Variants in UBE4A observed in about 807,000 individuals in gnomAD.
The protein encoded by UBE4A is ubiquitination factor E4A, also known as ubiquitin conjugation factor E4 A.
In UBE4A, 48 loss-of-function variants were observed where a neutral mutation model predicts 117.9. The observed-to-expected ratio is 0.41, with a 90% CI of 0.32 to 0.52. UBE4A has a LOEUF of 0.52. UBE4A is among the 20% of genes least tolerant of loss of function. The pLI, the probability that UBE4A is intolerant of heterozygous loss-of-function variation, is 0.33. For missense variants in UBE4A, 1,067 were observed against 1,296.3 expected, an observed-to-expected ratio of 0.82 and a Z score of 2.72; for synonymous variants, 407 against 450.0, an observed-to-expected ratio of 0.90 and a Z score of 1.21.
chr11:118,382,920 T>C (rs1948718843), intron 13 of UBE4A, 144 bp downstream of exon 13: 1 of 111,838 alleles, frequency 8.9e-6, no homozygotes, highest in Non-Finnish European at 1.6e-5. Flanking sequence ...TGATAAGTGC[T>C]TTTTTTTTTT....
chr11:118,380,129 G>A (rs1948689304), intron 11 of UBE4A, among the ~76,000 whole-genome samples: 1 of 68,902 alleles, frequency 1.5e-5, no homozygotes, highest in South Asian at 1.1e-3. Context: ...GTGTGTGTGT[G>A]TGTGCGTGTG....
intron 17 of UBE4A, among the ~76,000 whole-genome samples, 196 bp from the exon 18 acceptor site, chr11:118,390,460 AT>A (rs1323121504): frequency 1.4e-5 from 2 of 144,864 alleles, no homozygotes; most frequent in African/African-American, 5.0e-5. Flanking sequence ...TATATATTAT[AT>A]TTTATTATTA....
chr11:118,366,677 C>G (rs1274930986), intron 2 of UBE4A, among the ~76,000 whole-genome samples: 4 of 152,220 alleles, frequency 2.6e-5, no homozygotes, highest in African/African-American at 4.8e-5. Flanking sequence ...AGAGTTTTAC[C>G]TGGACTTTCA....
Position 118,372,645 on chromosome 11 carries a change from T to C in UBE4A, c.700T>C (p.Leu234=). 1 of 1,614,122 alleles carries C rather than the reference T, an allele frequency of 6.2e-7. No homozygotes were observed. The highest frequency in any genetic ancestry group is 8.5e-7 in the Non-Finnish European group (1 of 1,180,012). Residue 234 remains leucine (L), a synonymous_variant, in exon 6 of 20, where the codon TTA becomes CTA. Transcript: ENST00000252108. The part of the protein sequence containing the change: ...NIHEQLVDLM[L]EAIQGAHFED... ...CCATGAGCAACTGGTAGATTTGATG[T>C]TAGAAGCCATCCAGGGAGCCCGTGA...
At chr11:118,364,632 G>C (rs931088215) in intron 1 of UBE4A, among the ~76,000 whole-genome samples, 3 of 152,020 alleles carry the variant, frequency 2.0e-5, no homozygotes, top group Admixed American at 1.3e-4. Flanking sequence ...TAGACTGCCA[G>C]CTTAATTCTT....
At chr11:118,372,785 G>C (rs1948619669) in intron 6 of UBE4A, 119 bp downstream of exon 6, 2 of 1,434,708 alleles carry the variant, frequency 1.4e-6, no homozygotes, top group South Asian at 2.5e-5. Flanking sequence ...AAGGAGGAGG[G>C]CTCACATCTT....
chr11:118,386,698 A>G, intron 16 of UBE4A, 86 bp downstream of exon 16: 1 of 1,384,998 alleles, frequency 7.2e-7, no homozygotes, highest in East Asian at 2.7e-5. Context: ...TGAAACTAAG[A>G]ATTCAGACCC....
intron 16 of UBE4A, among the ~76,000 whole-genome samples, chr11:118,389,454 A>C (rs1244438076): frequency 2.0e-5 from 3 of 152,218 alleles, no homozygotes; most frequent in African/African-American, 7.2e-5. Flanking sequence ...GAAAAGCTAG[A>C]AGGACAAAAT....
chr11:118,387,325 A>G (rs1377995638), intron 16 of UBE4A, among the ~76,000 whole-genome samples: 6 of 152,210 alleles, frequency 3.9e-5, no homozygotes, highest in Admixed American at 2.6e-4. Context: ...CAAAGAGGCA[A>G]TGAAAGAGAT....
At chr11:118,382,877 A>T in intron 13 of UBE4A, 101 bp downstream of exon 13, 1 of 1,158,932 alleles carries the variant, frequency 8.6e-7, no homozygotes, top group Non-Finnish European at 1.1e-6. Flanking sequence ...TCAAGCCATT[A>T]CTTATTGAAT....
At chr11:118,364,989 C>T in intron 1 of UBE4A, 51 bp from the exon 2 acceptor site, 3 of 1,396,518 alleles carry the variant, frequency 2.1e-6, no homozygotes, top group South Asian at 3.2e-5. Context: ...AGGTATATTA[C>T]AGCTATTGTG....
chr11:118,381,533 T>C lies in UBE4A; in HGVS notation c.2009+10T>C. ...CTGGAAGCATAGAAAGGTGAAGTGC[T>C]GAAAGCTTGGTTCTGTCACTGTTTA... is the stretch of plus-strand genomic sequence containing the variant. On this transcript the variant is annotated intron_variant, in intron 12 of 19. Coordinates refer to ENST00000252108, the MANE Select transcript of UBE4A (RefSeq NM_001204077.2). 1.2e-6 allele frequency: 2 copies of C among 1,613,460 alleles called. No individual in the cohort carries two copies. The highest frequency in any genetic ancestry group is 1.7e-6 in the Non-Finnish European group (2 of 1,179,644).
At chr11:118,361,703 A>G (rs1218272519) in intron 1 of UBE4A, among the ~76,000 whole-genome samples, 1 of 152,232 alleles carries the variant, frequency 6.6e-6, no homozygotes, top group African/African-American at 2.4e-5. Flanking sequence ...CAAGATACCA[A>G]AGAACCAGTG....
chr11:118,377,476 G>A (rs782058844), intron 10 of UBE4A, among the ~76,000 whole-genome samples: 4 of 151,926 alleles, frequency 2.6e-5, no homozygotes, highest in Non-Finnish European at 4.4e-5. Flanking sequence ...CCAAAGTGCT[G>A]GGATTACAGG....
At chr11:118,391,812 AATTT>A (rs1555128562) in intron 18 of UBE4A, among the ~76,000 whole-genome samples, 1 of 151,872 alleles carries the variant, frequency 6.6e-6, no homozygotes, top group Non-Finnish European at 1.5e-5. Flanking sequence ...AAAAAAAAAA[AATTT>A]AAGAAACCTC....
intron 9 of UBE4A, among the ~76,000 whole-genome samples, chr11:118,375,891 AGAG>A (rs1261597842): frequency 1.3e-5 from 2 of 152,208 alleles, no homozygotes; most frequent in Non-Finnish European, 2.9e-5. Context: ...ATGGGAGCAC[AGAG>A]GAGGGAGTAA....
At chr11:118,392,367 C>T (rs1290464873) in intron 18 of UBE4A, among the ~76,000 whole-genome samples, 1 of 152,186 alleles carries the variant, frequency 6.6e-6, no homozygotes, top group Non-Finnish European at 1.5e-5. Flanking sequence ...TCTAATTATG[C>T]AAATAATACC....
chr11:118,363,475 C>T (rs555305662), intron 1 of UBE4A, among the ~76,000 whole-genome samples: 2 of 152,220 alleles, frequency 1.3e-5, no homozygotes, highest in Admixed American at 6.5e-5. Context: ...GCTAATTAGC[C>T]GTTAGCTCTT....
At chr11:118,364,926 C>G (rs1297019160) in intron 1 of UBE4A, 114 bp from the exon 2 acceptor site, 2 of 1,092,600 alleles carry the variant, frequency 1.8e-6, no homozygotes, top group African/African-American at 1.6e-5. Context: ...AAATCTTAAC[C>G]CAAAGTATTT....
Sources: allele counts gnomAD v4.1 joint callset (sites outside exome capture counted in the v4.1 genomes callset), GRCh38; gene constraint gnomAD v4.1.1; transcripts MANE v1.5; gene names NCBI Gene and HGNC (gene_info 2026-07-23, HGNC 2026-07-21).